DLG2: variants seen among roughly 807,000 people sequenced by gnomAD.
DLG2 encodes disks large homolog 2.
A neutral mutation model predicts 132.5 loss-of-function variants in DLG2; 45 were observed. That is an observed-to-expected ratio of 0.34 (90% CI 0.27 to 0.44). The LOEUF is 0.44. Ranked by LOEUF, DLG2 falls within the 20% of genes least tolerant of loss-of-function variation. The pLI, the probability that DLG2 is intolerant of heterozygous loss-of-function variation, is 1.00. For synonymous variants in DLG2, 424 were observed against 419.6 expected (o/e 1.01, Z -0.13); for missense variants, 1,045 against 1,196.9 (o/e 0.87, Z 1.87).
chr11:84,166,026 A>T (rs2095653910), intron 8 of DLG2, among the ~76,000 whole-genome samples: 1 of 152,202 alleles, frequency 6.6e-6, no homozygotes, highest in East Asian at 1.9e-4. Context: ...CTTTTACATG[A>T]GGAGCATTTA....
At chr11:83,670,262 G>A (rs1216632752) in intron 18 of DLG2, among the ~76,000 whole-genome samples, 1 of 152,068 alleles carries the variant, frequency 6.6e-6, no homozygotes, top group African/African-American at 2.4e-5. Context: ...CAAATAGAGT[G>A]GATGCTTGTG....
chr11:84,943,167 CGTGTGTGT>C lies in DLG2; in HGVS notation c.357+168486_357+168493del, dbSNP rs201404405. ...GATTTTTGGGTCGTGTGTGTGTGTG[CGTGTGTGT>C]GTGTGTGTGTGTGTGTGTGTGTGTG... On this transcript the variant is annotated intron_variant, in intron 6 of 27. Coordinates refer to ENST00000376104, the MANE Select transcript of DLG2 (RefSeq NM_001142699.3). Among the ~76,000 whole-genome samples the C allele has an allele frequency of 1.6e-3, 217 of 137,882 alleles. 3 individuals carry two copies. Among genetic ancestry groups the C allele is most frequent in the African/African-American group, 4.9e-3 (182 of 37,364 alleles). 90.5% of individuals were successfully genotyped at this position (137,882 alleles called of 152,430 possible).
chr11:85,357,464 T>G (rs982555869), intron 3 of DLG2, among the ~76,000 whole-genome samples: 2 of 149,400 alleles, frequency 1.3e-5, no homozygotes, highest in Non-Finnish European at 3.0e-5. Flanking sequence ...AGTGCTGGGA[T>G]TACAGGCGTG....
intron 6 of DLG2, among the ~76,000 whole-genome samples, chr11:84,699,656 T>C (rs528180): frequency 0.64 from 97,321 of 151,278 alleles, 31,727 homozygotes; most frequent in Middle Eastern, 0.75. Flanking sequence ...ACTTGCTTTC[T>C]AACTCTTCCA....
chr11:84,498,434 C>T (rs1478029555), intron 7 of DLG2, among the ~76,000 whole-genome samples: 1 of 152,058 alleles, frequency 6.6e-6, no homozygotes, highest in Non-Finnish European at 1.5e-5. Flanking sequence ...TGAGATGTCA[C>T]CACCACCCCC....
intron 8 of DLG2, among the ~76,000 whole-genome samples, chr11:84,178,253 G>A (rs1257563785): frequency 3.9e-5 from 6 of 152,092 alleles, no homozygotes; most frequent in Non-Finnish European, 7.4e-5. Context: ...CAAACTTCAG[G>A]GAAAGCAAAA....
chr11:84,162,572 C>A (rs1211794206), intron 9 of DLG2, among the ~76,000 whole-genome samples: 3 of 152,016 alleles, frequency 2.0e-5, no homozygotes, highest in Admixed American at 1.3e-4. Context: ...CATATCAATA[C>A]ACACATTCAT....
chr11:84,245,994 C>T (rs115666939), intron 8 of DLG2, among the ~76,000 whole-genome samples: 18 of 152,266 alleles, frequency 1.2e-4, no homozygotes, highest in African/African-American at 3.9e-4. Context: ...GTTTGTGTCA[C>T]GGGCTTGATT....
intron 6 of DLG2, among the ~76,000 whole-genome samples, chr11:84,693,703 G>A (rs1030477996): frequency 1.3e-5 from 2 of 151,620 alleles, no homozygotes; most frequent in Non-Finnish European, 3.0e-5. Flanking sequence ...CCACTTCTCT[G>A]TGTTCCTTTC....
chr11:84,178,384 A>G lies in DLG2; in HGVS notation c.574-14873T>C, dbSNP rs546432534. Among the ~76,000 whole-genome samples, 26 of 152,258 alleles carry G rather than the reference A, an allele frequency of 1.7e-4. 1 individual carries two copies. In the East Asian group the frequency reaches 3.5e-3, roughly 20 times the overall value. ...GTTATGTCAGGCTTTGAGAGCTCCT[A>G]TATTTCCATGGAAGACTGGAAGTTT... On this transcript the variant is annotated intron_variant, in intron 8 of 27. Coordinates refer to ENST00000376104, the MANE Select transcript of DLG2 (RefSeq NM_001142699.3).
At position 85,237,102 on chromosome 11, in the gene DLG2, T is replaced by C. The variant is rs1441942396; in HGVS notation, c.186+48118A>G. On this transcript the variant is annotated intron_variant, in intron 4 of 27. Transcript: ENST00000376104. ...GAAATGACACTGCCCAGCCAGCACCTGAAAATACGCCACTGATTAAGCGAA... is the reference window on the plus strand; with the variant it reads ...GAAATGACACTGCCCAGCCAGCACCCGAAAATACGCCACTGATTAAGCGAA... Among the ~76,000 whole-genome samples the C allele has an allele frequency of 3.3e-5, 5 of 152,174 alleles. No individual in the cohort carries two copies. In the South Asian group the frequency reaches 1.0e-3, roughly 32 times the overall value.
In DLG2 at chr11:85,339,424, T is replaced by C. The variant is rs181224005; in HGVS notation, c.41-54059A>G. 5.9e-5 allele frequency among the ~76,000 whole-genome samples: 9 copies of C among 152,326 alleles called. No homozygotes were observed. In the East Asian group the frequency reaches 1.7e-3, roughly 29 times the overall value. ...GGTAAATGCACCTGTAATTTTTTAC[T>C]AGGTATTGTCCATTTTCCCTCCAGA... On this transcript the variant is annotated intron_variant, in intron 3 of 27. Transcript: ENST00000376104.
intron 7 of DLG2, among the ~76,000 whole-genome samples, chr11:84,310,239 C>T (rs546391246): frequency 1.3e-5 from 2 of 152,134 alleles, no homozygotes; most frequent in East Asian, 1.9e-4. Flanking sequence ...TTGCAAGACG[C>T]GGTGGAGAGA....
At chr11:84,773,509 T>C (rs1482698515) in intron 6 of DLG2, among the ~76,000 whole-genome samples, 5 of 152,108 alleles carry the variant, frequency 3.3e-5, no homozygotes, top group African/African-American at 4.8e-5. Context: ...TGAACACAGA[T>C]GCAAAAATTC....
At chr11:85,200,079 G>A (rs1272354139) in intron 4 of DLG2, among the ~76,000 whole-genome samples, 1 of 152,018 alleles carries the variant, frequency 6.6e-6, no homozygotes, top group Non-Finnish European at 1.5e-5. Context: ...CTCTGCAGAA[G>A]TCTTGTGAAT....
At chr11:84,839,202 GACAA>G (rs1232375645) in intron 6 of DLG2, among the ~76,000 whole-genome samples, 3 of 151,988 alleles carry the variant, frequency 2.0e-5, no homozygotes, top group Non-Finnish European at 4.4e-5. Flanking sequence ...AACAATAAAA[GACAA>G]ACAGAGAGCT....
chr11:84,470,590 A>G (rs1224859689), intron 7 of DLG2, among the ~76,000 whole-genome samples: 1 of 151,912 alleles, frequency 6.6e-6, no homozygotes, highest in Non-Finnish European at 1.5e-5. Context: ...ATCAAAGAAC[A>G]TCATTCCAGT....
At chr11:83,499,241 G>C (rs570471248) in intron 21 of DLG2, among the ~76,000 whole-genome samples, 83 of 152,206 alleles carry the variant, frequency 5.5e-4, no homozygotes, top group African/African-American at 1.9e-3. Context: ...ATTTGACAAA[G>C]ATATCACGAG....
chr11:83,537,688 A>G (rs977104964), intron 20 of DLG2, among the ~76,000 whole-genome samples: 21 of 151,484 alleles, frequency 1.4e-4, no homozygotes, highest in East Asian at 7.8e-4. Flanking sequence ...GGTGGTGGGC[A>G]TCTGTAATCC....
Sources: allele counts gnomAD v4.1 joint callset (sites outside exome capture counted in the v4.1 genomes callset), GRCh38; gene constraint gnomAD v4.1.1; transcripts MANE v1.5; gene names NCBI Gene and HGNC (gene_info 2026-07-23, HGNC 2026-07-21).